Variants in LHFPL3 observed in about 807,000 individuals in gnomAD.
LHFPL3 encodes LHFPL tetraspan subfamily member 3.
LHFPL3 carries 5 observed loss-of-function variants against 19.3 expected under a neutral mutation model. That is an observed-to-expected ratio of 0.26 (90% CI 0.14 to 0.54). The LOEUF is 0.54. LHFPL3 is among the 20% of genes least tolerant of loss of function. The pLI is 0.94. For synonymous variants in LHFPL3, 133 were observed against 126.2 expected, an observed-to-expected ratio of 1.05 and a Z score of -0.36; for missense variants, 249 against 307.4, an observed-to-expected ratio of 0.81 and a Z score of 1.42.
rs879072776 is a variant in LHFPL3 at position 104,637,847 on chromosome 7, C to CT, written c.446-98819dup. ...CCAGCTTTTTTTTTTTTTTTTTTAG[C>CT]TTTTTTTTTCTTGGTCTTGGCTATT... On this transcript the variant is annotated intron_variant, in intron 1 of 2. Transcript: ENST00000424859. Among the ~76,000 whole-genome samples the CT allele has an allele frequency of 3.6e-4, 25 of 69,420 alleles. No individual in the cohort carries two copies. The South Asian group carries it at 6.7e-3, about 19-fold the overall frequency. The allele number at this position is 69,420 out of a possible 152,430, so 45.5% of individuals were successfully genotyped here. A position where few individuals can be genotyped will look rare whatever the true frequency, so the allele number is the denominator to read the frequency against.
intron 1 of LHFPL3, among the ~76,000 whole-genome samples, chr7:104,732,052 C>A (rs1793715130): frequency 6.6e-6 from 1 of 152,174 alleles, no homozygotes; most frequent in Non-Finnish European, 1.5e-5. Flanking sequence ...ATTGAACCAG[C>A]CTTGCATCCC....
chr7:104,805,836 C>T (rs1250918282), intron 2 of LHFPL3, among the ~76,000 whole-genome samples: 1 of 152,348 alleles, frequency 6.6e-6, no homozygotes, highest in African/African-American at 2.4e-5. Flanking sequence ...CCCTCTAGAA[C>T]AGCCCTCAGG....
In LHFPL3 at chr7:104,669,462, T is replaced by G; in HGVS notation, c.446-67213T>G. 4 of 1,612,876 alleles carry G rather than the reference T, an allele frequency of 2.5e-6. No individual in the cohort carries two copies. The South Asian group carries it at 4.4e-5, about 18-fold the overall frequency. ...AGGATCAAGACTCCAGATCTGCACC[T>G]GAGCCAAAGAAACCTGAGGAAAATC... On this transcript the variant is annotated intron_variant, in intron 1 of 2. Transcript: ENST00000424859.
rs532853453 is a variant in LHFPL3 at position 104,349,730 on chromosome 7, A to G, written c.445+20506A>G. Among the ~76,000 whole-genome samples the G allele has an allele frequency of 5.9e-5, 9 of 152,366 alleles. No homozygotes were observed. In the South Asian group the frequency reaches 1.9e-3, roughly 32 times the overall value. ...CGAACTTAAAGTATAATTTTAAAAAAGTAACATTTATAATCAACTAAAATT... is the reference window on the plus strand; with the variant it reads ...CGAACTTAAAGTATAATTTTAAAAAGGTAACATTTATAATCAACTAAAATT... On this transcript the variant is annotated intron_variant, in intron 1 of 2. Coordinates refer to ENST00000424859, the MANE Select transcript of LHFPL3 (RefSeq NM_199000.3).
At chr7:104,886,832 A>C (rs987703542) in intron 2 of LHFPL3, among the ~76,000 whole-genome samples, 18 of 152,256 alleles carry the variant, frequency 1.2e-4, no homozygotes, top group African/African-American at 3.9e-4. Flanking sequence ...AAATTATATT[A>C]ATGGAGTCTC....
At chr7:104,742,269 T>C (rs1793949519) in intron 2 of LHFPL3, among the ~76,000 whole-genome samples, 2 of 152,188 alleles carry the variant, frequency 1.3e-5, no homozygotes, top group Non-Finnish European at 2.9e-5. Context: ...TATATGGTCT[T>C]TGGAATTTCT....
At chr7:104,532,237 C>T (rs1163655856) in intron 1 of LHFPL3, among the ~76,000 whole-genome samples, 3 of 151,894 alleles carry the variant, frequency 2.0e-5, no homozygotes, top group Admixed American at 2.0e-4. Context: ...CTGCCTCAGC[C>T]TCCTGATTAA....
At chr7:104,623,955 A>C (rs1791498230) in intron 1 of LHFPL3, among the ~76,000 whole-genome samples, 1 of 152,206 alleles carries the variant, frequency 6.6e-6, no homozygotes, top group African/African-American at 2.4e-5. Context: ...TGAGTCACTA[A>C]GTTTTGAGGT....
intron 1 of LHFPL3, among the ~76,000 whole-genome samples, chr7:104,641,332 A>T (rs1183653522): frequency 6.6e-6 from 1 of 152,230 alleles, no homozygotes; most frequent in African/African-American, 2.4e-5. Context: ...TCTCACTTAA[A>T]CGAGACCAGT....
At chr7:104,632,842 A>T (rs1239235741) in intron 1 of LHFPL3, among the ~76,000 whole-genome samples, 4 of 152,154 alleles carry the variant, frequency 2.6e-5, no homozygotes, top group Non-Finnish European at 5.9e-5. Context: ...TTCAGTAGAG[A>T]TGAGGTTTTG....
chr7:104,786,019 C>T (rs1175104560), intron 2 of LHFPL3, among the ~76,000 whole-genome samples: 6 of 152,208 alleles, frequency 3.9e-5, no homozygotes, highest in African/African-American at 1.4e-4. Context: ...TCCATGTACA[C>T]TGTGTCCATG....
intron 2 of LHFPL3, among the ~76,000 whole-genome samples, chr7:104,823,548 A>C (rs762205646): frequency 6.5e-4 from 99 of 152,166 alleles, no homozygotes; most frequent in Non-Finnish European, 8.8e-5. Context: ...CAGAATTTTT[A>C]TATGAAAATT....
intron 2 of LHFPL3, among the ~76,000 whole-genome samples, chr7:104,790,922 G>A (rs1000972236): frequency 3.3e-5 from 5 of 152,136 alleles, no homozygotes; most frequent in African/African-American, 4.8e-5. Flanking sequence ...TCAAATGTAC[G>A]GTTGTATTAT....
chr7:104,595,372 G>A, intron 1 of LHFPL3, among the ~76,000 whole-genome samples: 1 of 152,236 alleles, frequency 6.6e-6, no homozygotes, highest in Non-Finnish European at 1.5e-5. Context: ...ACTAGCGGAA[G>A]CTGAAGAACA....
chr7:104,781,303 A>G (rs185507818), intron 2 of LHFPL3, among the ~76,000 whole-genome samples: 12 of 152,310 alleles, frequency 7.9e-5, no homozygotes, highest in African/African-American at 2.9e-4. Flanking sequence ...AATAAGCACC[A>G]TCAGATAAAG....
chr7:104,799,908 T>A (rs555000990), intron 2 of LHFPL3: 7 of 152,942 alleles, frequency 4.6e-5, no homozygotes, highest in Non-Finnish European at 5.9e-5. Context: ...TCTCTAGGAG[T>A]TGTTTTCCAT....
intron 1 of LHFPL3, among the ~76,000 whole-genome samples, chr7:104,417,817 T>C (rs1190482122): frequency 6.6e-6 from 1 of 152,070 alleles, no homozygotes. Context: ...TCAATGTCAG[T>C]AAAGGTTAAT....
rs1562946047 is a variant in LHFPL3, at chr7:104,597,766, T to A, written c.446-138909T>A. ...GCTAACATTACTCCCTTTGCTTATA[T>A]GTGAGGGAACTTCAAAAAGTTCATA... On this transcript the variant is annotated intron_variant, in intron 1 of 2. Transcript: ENST00000424859. Among the ~76,000 whole-genome samples, 5 of 152,192 alleles carry A rather than the reference T, an allele frequency of 3.3e-5. No individual in the cohort carries two copies. In the South Asian group the frequency reaches 1.0e-3, roughly 31 times the overall value.
chr7:104,805,174 T>C (rs553992501), intron 2 of LHFPL3, among the ~76,000 whole-genome samples: 3 of 152,196 alleles, frequency 2.0e-5, no homozygotes, highest in Non-Finnish European at 4.4e-5. Context: ...AGAGAAACCA[T>C]CTGACTGGGC....
Sources: allele counts gnomAD v4.1 joint callset (sites outside exome capture counted in the v4.1 genomes callset), GRCh38; gene constraint gnomAD v4.1.1; transcripts MANE v1.5; gene names NCBI Gene and HGNC (gene_info 2026-07-23, HGNC 2026-07-21).